DPP10: variants seen among roughly 807,000 people sequenced by gnomAD.
The protein encoded by DPP10 is dipeptidyl peptidase like 10, also known as inactive dipeptidyl peptidase 10.
DPP10 carries 33 observed loss-of-function variants against 120.9 expected under a neutral mutation model. That is an observed-to-expected ratio of 0.27 (90% CI 0.21 to 0.37). DPP10 has a LOEUF of 0.37. Ranked by LOEUF, DPP10 falls within the 10% of genes least tolerant of loss-of-function variation. The probability of loss-of-function intolerance (pLI) is 1.00; values close to 1 mark genes in which losing one functional copy is unlikely to be tolerated. For missense variants in DPP10, 816 were observed against 942.8 expected (o/e 0.87, Z 1.76); for synonymous variants, 337 against 326.1 (o/e 1.03, Z -0.36).
chr2:115,030,152 C>T (rs1703739737), intron 1 of DPP10, among the ~76,000 whole-genome samples: 1 of 152,036 alleles, frequency 6.6e-6, no homozygotes, highest in South Asian at 2.1e-4. Context: ...TAAGATCAGG[C>T]AAACTTGAGC....
intron 1 of DPP10, among the ~76,000 whole-genome samples, chr2:115,155,718 C>T (rs1034505962): frequency 6.6e-6 from 1 of 152,102 alleles, no homozygotes; most frequent in Non-Finnish European, 1.5e-5. Context: ...TGACTGCATT[C>T]TAAAATTATA....
chr2:114,896,820 C>T (rs1693047728), intron 1 of DPP10, among the ~76,000 whole-genome samples: 1 of 152,150 alleles, frequency 6.6e-6, no homozygotes, highest in Non-Finnish European at 1.5e-5. Context: ...TGCCAGTTTT[C>T]AAAGAGAATG....
intron 3 of DPP10, among the ~76,000 whole-genome samples, chr2:115,453,630 A>G (rs927088300): frequency 4.6e-5 from 7 of 151,630 alleles, no homozygotes; most frequent in African/African-American, 9.7e-5. Context: ...ATAGAATGCA[A>G]CTAAAACGGT....
intron 1 of DPP10, among the ~76,000 whole-genome samples, chr2:114,528,644 A>G (rs72840627): frequency 0.024 from 3,674 of 151,242 alleles, 65 homozygotes; most frequent in Non-Finnish European, 0.035. Context: ...GATTACCAAA[A>G]TGTTATTCAA....
chr2:115,767,518 A>G (rs752859269), intron 12 of DPP10, among the ~76,000 whole-genome samples: 7 of 151,020 alleles, frequency 4.6e-5, no homozygotes, highest in South Asian at 2.1e-4. Context: ...GTGTGTGTGT[A>G]TATATATACA....
At chr2:114,733,761 T>A (rs1004057808) in intron 1 of DPP10, among the ~76,000 whole-genome samples, 1 of 152,208 alleles carries the variant, frequency 6.6e-6, no homozygotes, top group African/African-American at 2.4e-5. Context: ...TTTGCTGTTT[T>A]CAAATGTAAT....
chr2:114,607,188 G>A (rs1240042498), intron 1 of DPP10, among the ~76,000 whole-genome samples: 1 of 152,118 alleles, frequency 6.6e-6, no homozygotes, highest in African/African-American at 2.4e-5. Context: ...AACATAAAAT[G>A]TCACTTGAGA....
intron 3 of DPP10, among the ~76,000 whole-genome samples, chr2:115,366,838 AC>A (rs2065108542): frequency 1.3e-5 from 2 of 151,864 alleles, no homozygotes; most frequent in African/African-American, 4.8e-5. Context: ...TCCAATTCTT[AC>A]CCCTTCAGCA....
intron 19 of DPP10, among the ~76,000 whole-genome samples, chr2:115,798,093 T>A (rs1344901633): frequency 6.6e-6 from 1 of 151,960 alleles, no homozygotes; most frequent in Non-Finnish European, 1.5e-5. Context: ...ATGAATGATA[T>A]GGGCTTATTA....
At chr2:115,163,127 T>C (rs1389970059) in intron 1 of DPP10, among the ~76,000 whole-genome samples, 2 of 152,278 alleles carry the variant, frequency 1.3e-5, no homozygotes, top group East Asian at 1.9e-4. Context: ...TCCCAGCTTA[T>C]TGCTAGCGTG....
chr2:114,741,525 G>A (rs541488446), intron 1 of DPP10, among the ~76,000 whole-genome samples: 3 of 152,210 alleles, frequency 2.0e-5, no homozygotes, highest in East Asian at 1.9e-4. Context: ...AAAGCAGTCC[G>A]GAGTCTAGCC....
chr2:115,523,135 T>C (rs916347784), intron 4 of DPP10, among the ~76,000 whole-genome samples: 9 of 152,060 alleles, frequency 5.9e-5, no homozygotes, highest in African/African-American at 1.7e-4. Context: ...ATTCAGCAGC[T>C]TGGGCCCCGG....
intron 3 of DPP10, among the ~76,000 whole-genome samples, chr2:115,362,314 C>T (rs2106357947): frequency 6.6e-6 from 1 of 152,200 alleles, no homozygotes; most frequent in Non-Finnish European, 1.5e-5. Context: ...CCATGCTCTG[C>T]ATTTTTAGTT....
Position 114,466,898 on chromosome 2 carries a change from A to G in DPP10, c.60+24060A>G, listed in dbSNP as rs537801331. ...ATCTCTACTAAAAATATAGAAAACTATTAGCTGGGCATGGTGGCAGATGCC... is the reference window on the plus strand; with the variant it reads ...ATCTCTACTAAAAATATAGAAAACTGTTAGCTGGGCATGGTGGCAGATGCC... On this transcript the variant is annotated intron_variant, in intron 1 of 25. Transcript: ENST00000410059. Among the ~76,000 whole-genome samples, 9 of 152,226 alleles carry G rather than the reference A, an allele frequency of 5.9e-5. No homozygotes were observed. The East Asian group carries it at 1.4e-3, about 23-fold the overall frequency.
intron 1 of DPP10, among the ~76,000 whole-genome samples, chr2:114,612,209 A>G (rs567544318): frequency 1.2e-4 from 19 of 152,104 alleles, no homozygotes; most frequent in African/African-American, 4.3e-4. Flanking sequence ...CTGGCTCTTC[A>G]CCTATGACTT....
intron 2 of DPP10, among the ~76,000 whole-genome samples, chr2:115,339,272 C>T (rs945568880): frequency 2.0e-5 from 3 of 151,698 alleles, no homozygotes; most frequent in African/African-American, 7.3e-5. Flanking sequence ...TATCACTACA[C>T]GTATATAAGA....
chr2:114,600,241 G>C (rs1692255065), intron 1 of DPP10, among the ~76,000 whole-genome samples: 1 of 151,496 alleles, frequency 6.6e-6, no homozygotes, highest in African/African-American at 2.4e-5. Flanking sequence ...TCTCTGTACT[G>C]ATTTTATAAT....
intron 19 of DPP10, among the ~76,000 whole-genome samples, chr2:115,811,916 C>T (rs993699804): frequency 6.6e-6 from 1 of 152,106 alleles, no homozygotes. Flanking sequence ...TTAAGTGTAA[C>T]TCAAAGAAAT....
At chr2:115,460,156 A>G (rs999652199) in intron 3 of DPP10, among the ~76,000 whole-genome samples, 9 of 152,032 alleles carry the variant, frequency 5.9e-5, no homozygotes, top group African/African-American at 2.2e-4. Flanking sequence ...TTTTAGCTTT[A>G]TAGGTACTTT....
Sources: gnomAD v4.1 joint callset for allele counts (sites outside exome capture counted in the v4.1 genomes callset) on GRCh38, gnomAD v4.1.1 for gene constraint, MANE v1.5 for transcripts, NCBI Gene and HGNC (gene_info 2026-07-23, HGNC 2026-07-21) for gene names.